WDPCP: variants seen among roughly 807,000 people sequenced by gnomAD.
The protein encoded by WDPCP is WD repeat-containing and planar cell polarity effector protein fritz homolog.
WDPCP carries 71 observed loss-of-function variants against 93.1 expected under a neutral mutation model. The ratio of observed to expected loss-of-function variants is 0.76; its 90% CI spans 0.63 to 0.93. The LOEUF is 0.93. WDPCP is among the 40% of genes least tolerant of loss of function. The pLI, the probability that WDPCP is intolerant of heterozygous loss-of-function variation, is 0.00. For missense variants in WDPCP, 844 were observed against 887.4 expected (o/e 0.95, Z 0.62); for synonymous variants, 315 against 315.0 (o/e 1.00, Z 0.00).
intron 2 of WDPCP, among the ~76,000 whole-genome samples, chr2:63,678,568 C>A (rs1710452509): frequency 6.6e-6 from 1 of 152,188 alleles, no homozygotes; most frequent in South Asian, 2.1e-4. Flanking sequence ...ACTCTACCCT[C>A]CTTTTAGTGC....
chr2:63,213,657 A>C (rs1367644174), intron 14 of WDPCP, among the ~76,000 whole-genome samples: 1 of 152,170 alleles, frequency 6.6e-6, no homozygotes, highest in East Asian at 1.9e-4. Flanking sequence ...GAACCAAAAA[A>C]CCCTTCAAAA....
chr2:63,437,967 C>G (rs1438944410), intron 7 of WDPCP: 1 of 1,480,776 alleles, frequency 6.8e-7, no homozygotes, highest in Non-Finnish European at 9.0e-7. Context: ...TTAGGGGATA[C>G]TGATCAGTGT....
At chr2:63,710,718 A>G (rs375184768) in intron 2 of WDPCP, among the ~76,000 whole-genome samples, 2 of 152,218 alleles carry the variant, frequency 1.3e-5, no homozygotes, top group East Asian at 3.8e-4. Context: ...GCCAAGGAGC[A>G]CCTGTTGGGC....
chr2:63,211,005 C>A (rs866922621), intron 14 of WDPCP, among the ~76,000 whole-genome samples: 1 of 152,230 alleles, frequency 6.6e-6, no homozygotes, highest in Non-Finnish European at 1.5e-5. Context: ...GGCCTGCCTG[C>A]CTCTGTAGAC....
chr2:63,247,604 G>C (rs1351903000), intron 14 of WDPCP, among the ~76,000 whole-genome samples: 1 of 150,588 alleles, frequency 6.6e-6, no homozygotes, highest in Non-Finnish European at 1.5e-5. Flanking sequence ...TGTGTGTAAG[G>C]TGTTTTGTGT....
Position 63,121,085 on chromosome 2 carries a change from G to T in WDPCP, c.*921C>A, listed in dbSNP as rs116882788. Among the ~76,000 whole-genome samples the T allele has an allele frequency of 5.1e-4, 77 of 152,218 alleles. 1 individual carries two copies. The East Asian group carries it at 0.013, about 26-fold the overall frequency. ...TAGAGCAATGTTAAGAGGGCTAGAT[G>T]ACACCTGCACACTCAATGGGCAGTG... On this transcript the variant is annotated 3_prime_UTR_variant, in exon 18 of 18. Coordinates refer to ENST00000272321, the MANE Select transcript of WDPCP (RefSeq NM_015910.7).
At chr2:63,456,503 A>G (rs542760163) in intron 6 of WDPCP, among the ~76,000 whole-genome samples, 1 of 152,346 alleles carries the variant, frequency 6.6e-6, no homozygotes, top group East Asian at 1.9e-4. Flanking sequence ...TTTTTGGGAC[A>G]CAGTGAAAGC....
intron 3 of WDPCP, chr2:63,594,419 G>A: frequency 8.7e-7 from 1 of 1,155,928 alleles, no homozygotes; most frequent in Admixed American, 1.7e-5. Flanking sequence ...TCTTACTATA[G>A]ATTAAAATCC....
At chr2:63,319,725 G>A (rs944942760) in intron 12 of WDPCP, among the ~76,000 whole-genome samples, 19 of 152,178 alleles carry the variant, frequency 1.2e-4, no homozygotes, top group African/African-American at 2.9e-4. Context: ...TGATCCACCC[G>A]CCTCAGCCTC....
chr2:63,361,166 T>A (rs371685378), intron 12 of WDPCP, among the ~76,000 whole-genome samples: 2 of 152,288 alleles, frequency 1.3e-5, no homozygotes, highest in African/African-American at 4.8e-5. Context: ...CAGATTAAAG[T>A]TCTTTAAAAG....
At chr2:63,663,066 T>C (rs927448982) in intron 2 of WDPCP, among the ~76,000 whole-genome samples, 10 of 152,234 alleles carry the variant, frequency 6.6e-5, no homozygotes, top group African/African-American at 2.4e-4. Flanking sequence ...CTGCTTCCAT[T>C]TGGTCATTTC....
intron 15 of WDPCP, among the ~76,000 whole-genome samples, chr2:63,164,275 C>G (rs949894487): frequency 2.0e-5 from 3 of 152,128 alleles, no homozygotes; most frequent in Non-Finnish European, 4.4e-5. Flanking sequence ...TGGTTTAGAT[C>G]TGTGTCCTCA....
At chr2:63,767,205 T>C (rs1670154619) in intron 2 of WDPCP, among the ~76,000 whole-genome samples, 1 of 152,204 alleles carries the variant, frequency 6.6e-6, no homozygotes, top group Non-Finnish European at 1.5e-5. Flanking sequence ...TACTGAGTAA[T>C]AGTGCATTGT....
At chr2:63,779,670 T>A (rs2103969817) in intron 2 of WDPCP, among the ~76,000 whole-genome samples, 1 of 152,264 alleles carries the variant, frequency 6.6e-6, no homozygotes, top group South Asian at 2.1e-4. Flanking sequence ...GAGGGCTTGA[T>A]GTTGATTAAG....
At chr2:63,223,907 T>C (rs1037267813) in intron 14 of WDPCP, among the ~76,000 whole-genome samples, 1 of 152,082 alleles carries the variant, frequency 6.6e-6, no homozygotes, top group East Asian at 1.9e-4. Flanking sequence ...TGTCTATTCT[T>C]GCATCAATAT....
chr2:63,362,277 T>TTGGGTGGGTGTGTGTG (rs1553362983), intron 12 of WDPCP, among the ~76,000 whole-genome samples: 4 of 94,108 alleles, frequency 4.3e-5, no homozygotes, highest in Admixed American at 1.4e-4. Context: ...TTTTTTTTGG[T>TTGGGTGGGTGTGTGTG]TGTGTGTGTG....
chr2:63,697,647 CTT>C (rs1206386544), intron 2 of WDPCP, among the ~76,000 whole-genome samples: 1 of 151,998 alleles, frequency 6.6e-6, no homozygotes, highest in Non-Finnish European at 1.5e-5. Context: ...TATAATAAAT[CTT>C]TATGATTTCT....
intron 15 of WDPCP, among the ~76,000 whole-genome samples, chr2:63,165,889 A>G (rs954634817): frequency 1.3e-5 from 2 of 151,594 alleles, no homozygotes; most frequent in African/African-American, 2.4e-5. Flanking sequence ...TGTTGTTTCA[A>G]AAACATTTGG....
At chr2:63,462,579 G>C (rs898906680) in intron 6 of WDPCP, among the ~76,000 whole-genome samples, 7 of 152,154 alleles carry the variant, frequency 4.6e-5, no homozygotes, top group Admixed American at 1.3e-4. Flanking sequence ...GGCACACACG[G>C]AATAGACAGA....
Sources: gnomAD v4.1 joint callset for allele counts (sites outside exome capture counted in the v4.1 genomes callset) on GRCh38, gnomAD v4.1.1 for gene constraint, MANE v1.5 for transcripts, NCBI Gene and HGNC (gene_info 2026-07-23, HGNC 2026-07-21) for gene names.